Variants in IL1RAPL1 observed in about 807,000 individuals in gnomAD.
IL1RAPL1 encodes interleukin-1 receptor accessory protein-like 1.
IL1RAPL1 carries 3 observed loss-of-function variants against 48.4 expected under a neutral mutation model. The ratio of observed to expected loss-of-function variants is 0.06; its 90% confidence interval spans 0.03 to 0.16. The LOEUF is 0.16. Among genes scored for constraint, IL1RAPL1 ranks in the 10% least tolerant of loss-of-function variants. The probability of loss-of-function intolerance (pLI) is 1.00; values close to 1 mark genes in which losing one functional copy is unlikely to be tolerated. For missense variants in IL1RAPL1, 349 were observed against 530.6 expected, an observed-to-expected ratio of 0.66 and a Z score of 3.36; for synonymous variants, 185 against 187.7, an observed-to-expected ratio of 0.99 and a Z score of 0.12.
chrX:29,931,231 A>C (rs2147246087), intron 8 of IL1RAPL1, among the ~76,000 whole-genome samples: 1 of 111,562 alleles, frequency 9.0e-6, no homozygotes, highest in Non-Finnish European at 1.9e-5. Flanking sequence ...TGAGAAAGAA[A>C]GGCAAATTTA....
At chrX:28,886,618 CG>C (rs1569192992) in intron 2 of IL1RAPL1, among the ~76,000 whole-genome samples, 2 of 110,363 alleles carry the variant, frequency 1.8e-5, no homozygotes, top group African/African-American at 6.6e-5. Flanking sequence ...ACTTAGTTTA[CG>C]AATGTTTATG....
intron 6 of IL1RAPL1, among the ~76,000 whole-genome samples, chrX:29,686,455 A>G (rs758668122): frequency 9.0e-6 from 1 of 111,012 alleles, no homozygotes; most frequent in South Asian, 3.9e-4. Context: ...AGGAATGGAC[A>G]TGATAAATAC....
intron 5 of IL1RAPL1, among the ~76,000 whole-genome samples, chrX:29,570,677 A>G (rs928007916): frequency 8.0e-5 from 9 of 112,041 alleles, no homozygotes; most frequent in African/African-American, 2.9e-4. Flanking sequence ...CACAGCCTTG[A>G]ACAAAAGGCA....
At chrX:28,993,021 A>G (rs1409509858) in intron 2 of IL1RAPL1, among the ~76,000 whole-genome samples, 1 of 112,173 alleles carries the variant, frequency 8.9e-6, no homozygotes, top group Non-Finnish European at 1.9e-5. Context: ...CAGCAACCTC[A>G]TCATCCAAGT....
chrX:29,790,104 T>C (rs1929597262), intron 6 of IL1RAPL1, among the ~76,000 whole-genome samples: 1 of 111,628 alleles, frequency 9.0e-6, no homozygotes, highest in Non-Finnish European at 1.9e-5. Context: ...GTCAACGTTT[T>C]ATCATGACCA....
intron 5 of IL1RAPL1, among the ~76,000 whole-genome samples, chrX:29,518,725 C>T (rs1006426252): frequency 1.8e-5 from 2 of 111,285 alleles, no homozygotes; most frequent in Non-Finnish European, 3.8e-5. Context: ...TGCAGGGCTT[C>T]GGACACCATT....
At chrX:28,716,070 A>C (rs1935500849) in intron 1 of IL1RAPL1, among the ~76,000 whole-genome samples, 1 of 112,532 alleles carries the variant, frequency 8.9e-6, no homozygotes, top group Non-Finnish European at 1.9e-5. Flanking sequence ...CATAAACAGA[A>C]CTAAAGAGAA....
chrX:29,600,444 T>A (rs1453239495), intron 5 of IL1RAPL1, among the ~76,000 whole-genome samples: 1 of 111,811 alleles, frequency 8.9e-6, no homozygotes, highest in Non-Finnish European at 1.9e-5. Context: ...TGAAGTGGAC[T>A]CTGTTAGGGT....
At chrX:29,535,169 C>G (rs975519825) in intron 5 of IL1RAPL1, among the ~76,000 whole-genome samples, 1 of 100,582 alleles carries the variant, frequency 9.9e-6, no homozygotes, top group East Asian at 3.2e-4. Context: ...AAAATTAACT[C>G]CCTTTATTCC....
chrX:28,686,082 T>C (rs1182166331), intron 1 of IL1RAPL1, among the ~76,000 whole-genome samples: 1 of 111,937 alleles, frequency 8.9e-6, no homozygotes, highest in Admixed American at 9.5e-5. Flanking sequence ...TAAATGATTC[T>C]ACGTGGCCTA....
At chrX:28,950,785 G>T (rs1241003523) in intron 2 of IL1RAPL1, among the ~76,000 whole-genome samples, 1 of 105,833 alleles carries the variant, frequency 9.4e-6, no homozygotes, top group African/African-American at 3.5e-5. Context: ...TATACCCAAA[G>T]GACTATAAAT....
intron 6 of IL1RAPL1, among the ~76,000 whole-genome samples, chrX:29,729,234 C>T (rs1927856513): frequency 9.0e-6 from 1 of 111,617 alleles, no homozygotes; most frequent in African/African-American, 3.3e-5. Context: ...CTAGTGCCAA[C>T]GTCCATTGAC....
intron 2 of IL1RAPL1, among the ~76,000 whole-genome samples, chrX:28,988,089 G>A (rs1207398306): frequency 1.8e-5 from 2 of 111,331 alleles, no homozygotes; most frequent in Non-Finnish European, 3.8e-5. Context: ...TAAAGTTTTT[G>A]CATCACTTTA....
chrX:29,211,751 C>T (rs1302605667), intron 2 of IL1RAPL1, among the ~76,000 whole-genome samples: 2 of 111,201 alleles, frequency 1.8e-5, no homozygotes, highest in Non-Finnish European at 3.8e-5. Flanking sequence ...GACTGTACCT[C>T]GTCAAGCAAA....
intron 2 of IL1RAPL1, among the ~76,000 whole-genome samples, chrX:29,063,945 A>G (rs991232325): frequency 8.9e-6 from 1 of 111,781 alleles, no homozygotes; most frequent in Non-Finnish European, 1.9e-5. Context: ...GAAATGTTGG[A>G]CCCACTAACA....
At chrX:29,788,671 A>G (rs1929559531) in intron 6 of IL1RAPL1, among the ~76,000 whole-genome samples, 1 of 112,139 alleles carries the variant, frequency 8.9e-6, no homozygotes, top group Admixed American at 9.5e-5. Flanking sequence ...ATTCTCTTCT[A>G]GCTTTTTGAA....
At chrX:29,245,485 G>A (rs1275565034) in intron 2 of IL1RAPL1, among the ~76,000 whole-genome samples, 5 of 111,581 alleles carry the variant, frequency 4.5e-5, no homozygotes, top group Non-Finnish European at 9.4e-5. Context: ...GCATGAGATG[G>A]TATCTCATTG....
chrX:28,886,122 C>A (rs1184483179), intron 2 of IL1RAPL1, among the ~76,000 whole-genome samples: 1 of 109,921 alleles, frequency 9.1e-6, no homozygotes, highest in Admixed American at 9.8e-5. Context: ...AAAATGAAAC[C>A]ATTAAAAGTT....
At chrX:29,187,104 C>T (rs1930266911) in intron 2 of IL1RAPL1, among the ~76,000 whole-genome samples, 1 of 111,390 alleles carries the variant, frequency 9.0e-6, no homozygotes. Context: ...CATATGTATC[C>T]CTGAACTTAA....
Sources: gnomAD v4.1 joint callset for allele counts (sites outside exome capture counted in the v4.1 genomes callset) on GRCh38, gnomAD v4.1.1 for gene constraint, MANE v1.5 for transcripts, NCBI Gene and HGNC (gene_info 2026-07-23, HGNC 2026-07-21) for gene names.